GOLGA8J: variants seen among roughly 807,000 people sequenced by gnomAD.
GOLGA8J encodes the protein golgin subfamily A member 8J.
A neutral mutation model predicts 67.7 loss-of-function variants in GOLGA8J; 19 were observed. The observed-to-expected ratio is 0.28, with a 90% CI of 0.20 to 0.41. The LOEUF (loss-of-function observed/expected upper bound fraction) is 0.41, where lower values mean the gene tolerates loss of function less well. GOLGA8J is among the 10% of genes least tolerant of loss of function. GOLGA8J has a pLI of 1.00. For synonymous variants in GOLGA8J, 69 were observed against 215.9 expected (o/e 0.32, Z 5.97); for missense variants, 205 against 584.3 (o/e 0.35, Z 6.69).
intron 2 of GOLGA8J, among the ~76,000 whole-genome samples, chr15:30,085,248 T>G (rs1434383287): frequency 1.1e-5 from 1 of 88,342 alleles, no homozygotes; most frequent in African/African-American, 1.3e-4. Flanking sequence ...GCCACTGCAC[T>G]CCAGCCTGGT....
At position 30,089,941 on chromosome 15, in the gene GOLGA8J, C is replaced by T. The variant is rs558540211; in HGVS notation, c.1116C>T (p.Ser372=). The change falls in exon 12 of 19, where the codon AGC becomes AGT. Residue 372 remains serine, a synonymous_variant. Transcript: ENST00000567927. The stretch of plus-strand genomic sequence containing the variant: ...TTCAGCAGCTGGCCAAGCCACAGAG[C>T]GTCTTCAAGGAGCCGGTGCGTTGCC... ...KSLQQLAKPQ[S]VFKEPNNENK... 238 of 1,536,470 alleles carry T rather than the reference C, an allele frequency of 1.5e-4. 17 individuals are homozygous for T. The African/African-American group carries it at 2.7e-3, about 17-fold the overall frequency.
At position 30,090,686 on chromosome 15, in the gene GOLGA8J, C is replaced by CAAAAA. The variant is rs71270989; in HGVS notation, c.1200+423_1200+427dup. On this transcript the variant is annotated intron_variant, in intron 13 of 18. Transcript: ENST00000567927. ...TAAAACCTCATCTCTACTAAAATTA[C>CAAAAA]AAAAAAAAAAAAAAAAAAAAATTAG... Among the ~76,000 whole-genome samples the CAAAAA allele has an allele frequency of 9.9e-3, 588 of 59,296 alleles. 17 individuals are homozygous for CAAAAA. The highest frequency in any genetic ancestry group is 0.041 in the African/African-American group (523 of 12,674). 38.9% of individuals were successfully genotyped at this position (59,296 alleles called of 152,430 possible).
At position 30,084,891 on chromosome 15, in the gene GOLGA8J, G is replaced by A. The variant is rs554001177; in HGVS notation, c.168+1G>A. On this transcript the variant is annotated splice_donor_variant, in intron 2 of 18. Transcript: ENST00000567927. LOFTEE classifies it high-confidence loss of function. ...TGGTGGTTGCCAGCCACCTAGGGATGTGAGTCTTGGCTGACCAGGCTTCTG... is the reference window on the plus strand; with the variant it reads ...TGGTGGTTGCCAGCCACCTAGGGATATGAGTCTTGGCTGACCAGGCTTCTG... 18 of 1,480,394 alleles carry A rather than the reference G, an allele frequency of 1.2e-5. No individual in the cohort carries two copies. The Admixed American group carries it at 2.9e-4, about 24-fold the overall frequency. 91.7% of individuals were successfully genotyped at this position (1,480,394 alleles called of 1,614,324 possible). A position where few individuals can be genotyped will look rare whatever the true frequency, so the allele number is the denominator to read the frequency against.
rs551287660 is a variant in GOLGA8J, at chr15:30,091,953, G to C, written c.1277-89G>C. 2,061 of 1,368,138 alleles carry C rather than the reference G, an allele frequency of 1.5e-3. 5 individuals carry two copies. The highest frequency in any genetic ancestry group is 3.0e-3 in the Admixed American group (151 of 51,168). The allele number at this position is 1,368,138 out of a possible 1,614,324, so 84.7% of individuals were successfully genotyped here. A position where few individuals can be genotyped will look rare whatever the true frequency, so the allele number is the denominator to read the frequency against. ...TCCTCTCTGGGGAGGGGCAGGCTCA[G>C]GGTTACACAGTGAGGGTGGAGGTAG... On this transcript the variant is annotated intron_variant, in intron 14 of 18. Coordinates refer to ENST00000567927, the MANE Select transcript of GOLGA8J (RefSeq NM_001282472.2).
chr15:30,093,820 C>G lies in GOLGA8J; in HGVS notation c.*321C>G, dbSNP rs1442486588. The stretch of plus-strand genomic sequence containing the variant: ...ACAAAGACCCACTCTTTGCCCAAAA[C>G]TGTTCTCTTTGGTTTGGAATAGGCT... On this transcript the variant is annotated 3_prime_UTR_variant, in exon 19 of 19. Coordinates refer to ENST00000567927, the MANE Select transcript of GOLGA8J (RefSeq NM_001282472.2). Among the ~76,000 whole-genome samples the G allele has an allele frequency of 7.3e-6, 1 of 136,704 alleles. No individual in the cohort carries two copies. The highest frequency in any genetic ancestry group is 1.5e-5 in the Non-Finnish European group (1 of 65,454). The allele number at this position is 136,704 out of a possible 152,430, so 89.7% of individuals were successfully genotyped here.
At position 30,091,991 on chromosome 15, in the gene GOLGA8J, A is replaced by C. The variant is rs535494819; in HGVS notation, c.1277-51A>C. 1.1e-5 allele frequency: 18 copies of C among 1,590,332 alleles called. No homozygotes were observed. In the African/African-American group the frequency reaches 2.3e-4, roughly 21 times the overall value. ...AGGGTGGAGGTAGAGGTGGGCCCAC[A>C]GTACCTCCCTTGTTGGGTTGTCTGA... On this transcript the variant is annotated intron_variant, in intron 14 of 18. Transcript: ENST00000567927.
intron 8 of GOLGA8J, chr15:30,088,040 G>A (rs1294624507): frequency 3.8e-6 from 2 of 529,522 alleles, no homozygotes; most frequent in African/African-American, 5.6e-5. Context: ...GTAGAAAGAG[G>A]AAACGTGTGT....
intron 13 of GOLGA8J, among the ~76,000 whole-genome samples, chr15:30,090,668 T>C (rs1595389419): frequency 9.2e-6 from 1 of 108,592 alleles, no homozygotes; most frequent in Non-Finnish European, 1.7e-5. Flanking sequence ...TGGTAAAACC[T>C]CATCTCTACT....
At position 30,089,975 on chromosome 15, in the gene GOLGA8J, G is replaced by A; in HGVS notation, c.1131+19G>A. 1.3e-6 allele frequency: 2 copies of A among 1,515,258 alleles called. No individual in the cohort carries two copies. Among genetic ancestry groups the A allele is most frequent in the Non-Finnish European group, 1.7e-6 (2 of 1,143,084 alleles). 93.9% of individuals were successfully genotyped at this position (1,515,258 alleles called of 1,614,324 possible). On this transcript the variant is annotated intron_variant, in intron 12 of 18. Transcript: ENST00000567927. ...GGAGCCGGTGCGTTGCCCAAACTGGGGAGCTTGCCCTCCTCCCTAGACCTC... is the reference window on the plus strand; with the variant it reads ...GGAGCCGGTGCGTTGCCCAAACTGGAGAGCTTGCCCTCCTCCCTAGACCTC...
At position 30,096,674 on chromosome 15, in the gene GOLGA8J, T is replaced by C. The variant is rs2057471458; in HGVS notation, c.*3175T>C. Reference sequence around the variant, plus strand: ...TGTGATGCCACTGTAATGTAATAAATTATTAAGTTGTTTCAATGTGTTGTT... The same window carrying C: ...TGTGATGCCACTGTAATGTAATAAACTATTAAGTTGTTTCAATGTGTTGTT... On this transcript the variant is annotated 3_prime_UTR_variant, in exon 19 of 19. Transcript: ENST00000567927. Among the ~76,000 whole-genome samples, 2 of 149,746 alleles carry C rather than the reference T, an allele frequency of 1.3e-5. No individual in the cohort carries two copies. Among genetic ancestry groups the C allele is most frequent in the African/African-American group, 5.0e-5 (2 of 40,198 alleles).
rs1338069976 is a variant in GOLGA8J, at chr15:30,094,340, G to T, written c.*841G>T. 5.4e-5 allele frequency among the ~76,000 whole-genome samples: 8 copies of T among 148,058 alleles called. No homozygotes were observed. Among genetic ancestry groups the T allele is most frequent in the African/African-American group, 1.3e-4 (5 of 38,724 alleles). ...AGGGCTTATTTCTGAGGAATGAAAG[G>T]TTCCCATCATTGACTGTGGATGTGG... On this transcript the variant is annotated 3_prime_UTR_variant, in exon 19 of 19. Transcript: ENST00000567927.
chr15:30,092,048 G>A lies in GOLGA8J; in HGVS notation c.1283G>A (p.Gly428Glu), dbSNP rs777712429. The change falls in exon 15 of 19, where the codon GGA becomes GAA. Residue 428 changes from glycine to glutamate, a missense_variant. Gly to Glu is a moderately conservative substitution (Grantham distance 98, BLOSUM62 -2). Coordinates refer to ENST00000567927, the MANE Select transcript of GOLGA8J (RefSeq NM_001282472.2). ...SLMALPGEGH[G>E]GEHLDSEGEE... Reference sequence around the variant, plus strand: ...GTCTGACCACCCCCCACAGGACACGGAGGAGAACATCTGGACAGTGAGGGG... The same window carrying A: ...GTCTGACCACCCCCCACAGGACACGAAGGAGAACATCTGGACAGTGAGGGG... 5.6e-6 allele frequency: 9 copies of A among 1,594,252 alleles called. No individual in the cohort carries two copies. The highest frequency in any genetic ancestry group is 6.8e-6 in the Non-Finnish European group (8 of 1,172,688).
rs1205071490 is a variant in GOLGA8J, at chr15:30,096,380, T to A, written c.*2881T>A. 6.7e-6 allele frequency among the ~76,000 whole-genome samples: 1 copy of A among 150,352 alleles called. No individual in the cohort carries two copies. Reference sequence around the variant, plus strand: ...TTCTCTAAAACTTTATTTTAAAGAGTCATTTTAAAATAATATAACTATTAA... The same window carrying A: ...TTCTCTAAAACTTTATTTTAAAGAGACATTTTAAAATAATATAACTATTAA... On this transcript the variant is annotated 3_prime_UTR_variant, in exon 19 of 19. Transcript: ENST00000567927.
In GOLGA8J at chr15:30,096,684, G is replaced by T. The variant is rs1595395479; in HGVS notation, c.*3185G>T. On this transcript the variant is annotated 3_prime_UTR_variant, in exon 19 of 19. Coordinates refer to ENST00000567927, the MANE Select transcript of GOLGA8J (RefSeq NM_001282472.2). ...CTGTAATGTAATAAATTATTAAGTT[G>T]TTTCAATGTGTTGTTTTTGTCTTAA... 6.7e-6 allele frequency among the ~76,000 whole-genome samples: 1 copy of T among 150,272 alleles called. No homozygotes were observed. The highest frequency in any genetic ancestry group is 1.9e-4 in the East Asian group (1 of 5,134).
chr15:30,090,004 G>A (rs1170458756), intron 12 of GOLGA8J, 48 bp downstream of exon 12: 2 of 1,444,828 alleles, frequency 1.4e-6, no homozygotes, highest in Non-Finnish European at 1.8e-6. Context: ...AGACCTCCGG[G>A]CCTTTGTTTC....
intron 14 of GOLGA8J, 50 bp from the exon 15 acceptor site, chr15:30,091,992 G>C (rs751224447): frequency 6.3e-7 from 1 of 1,590,774 alleles, no homozygotes; most frequent in East Asian, 2.3e-5. Context: ...TGGGCCCACA[G>C]TACCTCCCTT....
chr15:30,090,634 A>C (rs1217218383), intron 13 of GOLGA8J, among the ~76,000 whole-genome samples: 2 of 125,992 alleles, frequency 1.6e-5, no homozygotes, highest in Non-Finnish European at 3.2e-5. Context: ...TGAGGTCGGG[A>C]GTTTGAGATC....
intron 13 of GOLGA8J, among the ~76,000 whole-genome samples, chr15:30,090,905 G>A (rs1321971218): frequency 7.4e-6 from 1 of 134,764 alleles, no homozygotes; most frequent in African/African-American, 3.2e-5. Flanking sequence ...TTCCAGCCTC[G>A]GTTCCACTGG....
rs954492342 is a variant in GOLGA8J at position 30,094,166 on chromosome 15, C to T, written c.*667C>T. Among the ~76,000 whole-genome samples, 113 of 144,988 alleles carry T rather than the reference C, an allele frequency of 7.8e-4. 4 individuals carry two copies. The highest frequency in any genetic ancestry group is 3.0e-3 in the East Asian group (15 of 4,920). ...GGAAAGTGGCCTCCTCTGGCAGGTACGTGCAGGATAGAGTGTGTTTCATCT... is the reference window on the plus strand; with the variant it reads ...GGAAAGTGGCCTCCTCTGGCAGGTATGTGCAGGATAGAGTGTGTTTCATCT... On this transcript the variant is annotated 3_prime_UTR_variant, in exon 19 of 19. Transcript: ENST00000567927.
Sources: gnomAD v4.1 joint callset for allele counts (sites outside exome capture counted in the v4.1 genomes callset) on GRCh38, gnomAD v4.1.1 for gene constraint, MANE v1.5 for transcripts, NCBI Gene and HGNC (gene_info 2026-07-23, HGNC 2026-07-21) for gene names.